The following DISC1 variants were observed in gnomAD, a reference collection of about 807,000 sequenced individuals.
DISC1 encodes disrupted in schizophrenia 1 protein.
DISC1 carries 57 observed loss-of-function variants against 84.5 expected under a neutral mutation model. The ratio of observed to expected loss-of-function variants is 0.67; its 90% CI spans 0.55 to 0.84. DISC1 has a LOEUF of 0.84. Ranked by LOEUF, DISC1 falls within the 40% of genes least tolerant of loss-of-function variation. DISC1 has a pLI of 0.00. For synonymous variants in DISC1, 411 were observed against 415.2 expected (o/e 0.99, Z 0.12); for missense variants, 1,000 against 1,057.8 (o/e 0.95, Z 0.76).
intron 9 of DISC1, among the ~76,000 whole-genome samples, chr1:231,929,811 G>GTTGT (rs1312950672): frequency 6.6e-6 from 1 of 152,208 alleles, no homozygotes; most frequent in Non-Finnish European, 1.5e-5. Flanking sequence ...ACAAGAAAAA[G>GTTGT]TTGTTTGAAA....
chr1:232,035,515 C>T (rs1670434674), intron 12 of DISC1, among the ~76,000 whole-genome samples: 1 of 152,156 alleles, frequency 6.6e-6, no homozygotes. Context: ...CTTTTTGTTG[C>T]ATTGACATTG....
chr1:231,674,645 C>T (rs557034718), intron 1 of DISC1, among the ~76,000 whole-genome samples: 1 of 152,342 alleles, frequency 6.6e-6, no homozygotes, highest in Non-Finnish European at 1.5e-5. Flanking sequence ...CTCTGCAGTA[C>T]ATTGAAGCAC....
intron 9 of DISC1, among the ~76,000 whole-genome samples, chr1:231,863,272 C>A (rs974906744): frequency 1.7e-5 from 2 of 120,890 alleles, no homozygotes; most frequent in South Asian, 2.7e-4. Flanking sequence ...TCTCTGTCGC[C>A]CGGGATGGAG....
chr1:231,844,781 G>A (rs1344463238), intron 9 of DISC1, among the ~76,000 whole-genome samples: 1 of 151,824 alleles, frequency 6.6e-6, no homozygotes, highest in East Asian at 1.9e-4. Flanking sequence ...AAAAAAATTA[G>A]CCGGACATTG....
chr1:231,840,636 T>G (rs1364241435), intron 9 of DISC1, among the ~76,000 whole-genome samples: 1 of 151,840 alleles, frequency 6.6e-6, no homozygotes, highest in Non-Finnish European at 1.5e-5. Flanking sequence ...GGAGAGGGGC[T>G]GGGGAAGGGT....
chr1:231,681,068 A>G (rs1437956370), intron 1 of DISC1, among the ~76,000 whole-genome samples: 5 of 152,240 alleles, frequency 3.3e-5, no homozygotes, highest in Admixed American at 3.3e-4. Context: ...AAAATTCATT[A>G]GAGACACCCA....
intron 8 of DISC1, among the ~76,000 whole-genome samples, chr1:231,805,841 C>T (rs994047991): frequency 3.3e-5 from 5 of 152,116 alleles, no homozygotes; most frequent in Admixed American, 2.0e-4. Flanking sequence ...TGCATACTGA[C>T]GTAGAGGAAG....
At chr1:231,839,168 G>C (rs1174574715) in intron 9 of DISC1, among the ~76,000 whole-genome samples, 2 of 152,200 alleles carry the variant, frequency 1.3e-5, no homozygotes, top group African/African-American at 4.8e-5. Context: ...TTTTAGGGAA[G>C]AGGAGAGCAC....
intron 1 of DISC1, among the ~76,000 whole-genome samples, chr1:231,679,265 A>C (rs1042075179): frequency 6.6e-6 from 1 of 152,196 alleles, no homozygotes; most frequent in Non-Finnish European, 1.5e-5. Context: ...ACTTAGCTCC[A>C]TGCTGGTCTG....
chr1:231,917,497 A>G (rs893778032), intron 9 of DISC1, among the ~76,000 whole-genome samples: 1 of 152,244 alleles, frequency 6.6e-6, no homozygotes, highest in Admixed American at 6.5e-5. Context: ...AATAATGTAC[A>G]ATTAAGAATC....
At chr1:231,829,757 G>A (rs891168829) in intron 9 of DISC1, among the ~76,000 whole-genome samples, 1 of 152,120 alleles carries the variant, frequency 6.6e-6, no homozygotes, top group Admixed American at 6.5e-5. Flanking sequence ...GGCAGGCTGA[G>A]TCTGAAAAGA....
At chr1:231,641,213 C>T (rs1037405081) in intron 1 of DISC1, among the ~76,000 whole-genome samples, 1 of 152,194 alleles carries the variant, frequency 6.6e-6, no homozygotes, top group African/African-American at 2.4e-5. Context: ...TCACTGACTT[C>T]AAAAATGAAG....
chr1:231,789,235 G>A (rs1214860993), intron 6 of DISC1, among the ~76,000 whole-genome samples: 1 of 152,214 alleles, frequency 6.6e-6, no homozygotes, highest in Non-Finnish European at 1.5e-5. Context: ...GGCCCATTAT[G>A]TGTGCTGGGG....
chr1:231,857,193 G>T (rs186123778), intron 9 of DISC1, among the ~76,000 whole-genome samples: 1 of 152,292 alleles, frequency 6.6e-6, no homozygotes, highest in African/African-American at 2.4e-5. Context: ...GTGAGTTTTG[G>T]TCACAACAGA....
At chr1:231,832,413 G>T (rs2082302600) in intron 9 of DISC1, among the ~76,000 whole-genome samples, 1 of 152,056 alleles carries the variant, frequency 6.6e-6, no homozygotes, top group Non-Finnish European at 1.5e-5. Context: ...GCCTAGGAAG[G>T]AAAGGAGTTG....
chr1:231,703,617 G>A (rs2066678504), intron 3 of DISC1, among the ~76,000 whole-genome samples: 1 of 152,168 alleles, frequency 6.6e-6, no homozygotes, highest in South Asian at 2.1e-4. Flanking sequence ...AGGACCTGGT[G>A]AACTTTCTAG....
chr1:232,025,708 T>C (rs930750109), intron 11 of DISC1, among the ~76,000 whole-genome samples: 1 of 151,742 alleles, frequency 6.6e-6, no homozygotes, highest in Admixed American at 6.6e-5. Flanking sequence ...GCCATTCTCC[T>C]GCCTCAGCCT....
intron 6 of DISC1, among the ~76,000 whole-genome samples, chr1:231,791,655 T>G (rs2078362323): frequency 6.6e-6 from 1 of 152,184 alleles, no homozygotes; most frequent in Non-Finnish European, 1.5e-5. Flanking sequence ...TTGGACAAAT[T>G]GTGTGTTTCT....
At position 231,836,114 on chromosome 1, in the gene DISC1, G is replaced by A. The variant is rs16855163; in HGVS notation, c.1981+17597G>A. On this transcript the variant is annotated intron_variant, in intron 9 of 12. Transcript: ENST00000439617. ...ATACAGAAACTGAGAGAAGTACTCA[G>A]TATCCTACCCAAGACCTTATTTTTC... Among the ~76,000 whole-genome samples the A allele has an allele frequency of 5.5e-3, 843 of 152,296 alleles. 11 individuals carry two copies. Among genetic ancestry groups the A allele is most frequent in the African/African-American group, 0.019 (784 of 41,562 alleles).
Sources: gnomAD v4.1 joint callset for allele counts (sites outside exome capture counted in the v4.1 genomes callset) on GRCh38, gnomAD v4.1.1 for gene constraint, MANE v1.5 for transcripts, NCBI Gene and HGNC (gene_info 2026-07-23, HGNC 2026-07-21) for gene names.